The following CNTN5 variants were observed in gnomAD, a reference collection of about 807,000 sequenced individuals.
CNTN5 encodes contactin-5.
In CNTN5, 77 loss-of-function variants were observed where a neutral mutation model predicts 129.1. The ratio of observed to expected loss-of-function variants is 0.60; its 90% CI spans 0.50 to 0.72. The LOEUF (loss-of-function observed/expected upper bound fraction) is 0.72. Among genes scored for constraint, CNTN5 ranks in the 30% least tolerant of loss-of-function variants. The pLI is 0.00. For synonymous variants in CNTN5, 509 were observed against 465.6 expected (o/e 1.09, Z -1.20); for missense variants, 1,478 against 1,328.8 (o/e 1.11, Z -1.75).
intron 10 of CNTN5, among the ~76,000 whole-genome samples, chr11:100,062,635 T>G (rs1343549956): frequency 6.6e-6 from 1 of 152,178 alleles, no homozygotes; most frequent in Admixed American, 6.5e-5. Context: ...CAGAGTCTAC[T>G]GCATTCTACT....
At chr11:99,734,046 G>C (rs1943620890) in intron 3 of CNTN5, among the ~76,000 whole-genome samples, 1 of 152,128 alleles carries the variant, frequency 6.6e-6, no homozygotes, top group East Asian at 1.9e-4. Context: ...TGTGGTGTTT[G>C]GAGTCTTCCA....
intron 1 of CNTN5, among the ~76,000 whole-genome samples, chr11:99,057,892 A>G (rs1161986254): frequency 6.6e-6 from 1 of 151,660 alleles, no homozygotes; most frequent in East Asian, 1.9e-4. Flanking sequence ...TTGAAATTTT[A>G]TCTAGAGTTG....
At chr11:99,300,880 C>T (rs1474404767) in intron 1 of CNTN5, among the ~76,000 whole-genome samples, 1 of 151,692 alleles carries the variant, frequency 6.6e-6, no homozygotes, top group Non-Finnish European at 1.5e-5. Flanking sequence ...CCTGTCTATT[C>T]AAAAAGACAA....
chr11:99,765,108 A>G (rs911820355), intron 3 of CNTN5, among the ~76,000 whole-genome samples: 1 of 152,126 alleles, frequency 6.6e-6, no homozygotes, highest in South Asian at 2.1e-4. Context: ...GTGAATAAAT[A>G]GAATATAAAA....
At chr11:99,146,748 G>T (rs1859803478) in intron 1 of CNTN5, among the ~76,000 whole-genome samples, 2 of 151,922 alleles carry the variant, frequency 1.3e-5, no homozygotes, top group African/African-American at 2.4e-5. Flanking sequence ...TTAAGCTGGG[G>T]TCTCATTCTG....
intron 13 of CNTN5, among the ~76,000 whole-genome samples, chr11:100,135,467 G>A (rs868793731): frequency 8.6e-5 from 13 of 152,002 alleles, no homozygotes; most frequent in South Asian, 4.1e-4. Context: ...GAGCCACTGC[G>A]CCCGGCCAGA....
intron 9 of CNTN5, among the ~76,000 whole-genome samples, chr11:100,018,158 T>C (rs1447651726): frequency 6.6e-6 from 1 of 152,010 alleles, no homozygotes; most frequent in African/African-American, 2.4e-5. Context: ...TGCCATATAA[T>C]TGGAACACAA....
Position 99,063,052 on chromosome 11 carries a change from A to G in CNTN5, c.-210+41782A>G, listed in dbSNP as rs140498530. On this transcript the variant is annotated intron_variant, in intron 1 of 24. Transcript: ENST00000524871. ...CAAGGGAAGTAGAAGCTAATAGTCT[A>G]GTTATCCAAGTAAAGGTATTATTGA... Among the ~76,000 whole-genome samples the G allele has an allele frequency of 2.3e-3, 353 of 152,288 alleles. 1 individual carries two copies. The highest frequency in any genetic ancestry group is 7.8e-3 in the African/African-American group (323 of 41,576).
At chr11:99,471,635 T>C (rs551146485) in intron 2 of CNTN5, among the ~76,000 whole-genome samples, 2 of 142,934 alleles carry the variant, frequency 1.4e-5, no homozygotes, top group East Asian at 3.9e-4. Flanking sequence ...TTACTTCATG[T>C]GTTTTTTTTT....
chr11:99,745,016 T>C (rs12807115), intron 3 of CNTN5, among the ~76,000 whole-genome samples: 42,971 of 152,128 alleles, frequency 0.28, 6,607 homozygotes, highest in Middle Eastern at 0.34. Context: ...TGATTGATTG[T>C]CATCATTGAT....
chr11:99,924,533 G>T (rs1950016674), intron 7 of CNTN5, among the ~76,000 whole-genome samples: 1 of 146,816 alleles, frequency 6.8e-6, no homozygotes, highest in Non-Finnish European at 1.5e-5. Context: ...CATTTTTTTT[G>T]AAGATCAATT....
chr11:100,012,092 T>C (rs1940566110), intron 9 of CNTN5, among the ~76,000 whole-genome samples: 1 of 152,130 alleles, frequency 6.6e-6, no homozygotes, highest in African/African-American at 2.4e-5. Flanking sequence ...TGACAGAAGA[T>C]CTGGGGATAG....
At chr11:99,914,244 A>G (rs79978986) in intron 6 of CNTN5, among the ~76,000 whole-genome samples, 3,066 of 152,170 alleles carry the variant, frequency 0.02, 47 homozygotes, top group Non-Finnish European at 0.032. Flanking sequence ...CAAAATATAC[A>G]TTAAAGTCCT....
At chr11:99,122,812 C>G (rs1373049889) in intron 1 of CNTN5, among the ~76,000 whole-genome samples, 1 of 152,148 alleles carries the variant, frequency 6.6e-6, no homozygotes, top group East Asian at 1.9e-4. Flanking sequence ...TTTTCTGTTC[C>G]TGTGTTGGTT....
rs919333821 is a variant in CNTN5, at chr11:99,077,633, T to A, written c.-210+56363T>A. Among the ~76,000 whole-genome samples, 4 of 152,282 alleles carry A rather than the reference T, an allele frequency of 2.6e-5. No individual in the cohort carries two copies. In the East Asian group the frequency reaches 7.7e-4, roughly 29 times the overall value. On this transcript the variant is annotated intron_variant, in intron 1 of 24. Transcript: ENST00000524871. ...GTTAGGCTTTGTGTCCCCATCCGAATCTCATCTTGAATTGTAATCCCCACA... is the reference window on the plus strand; with the variant it reads ...GTTAGGCTTTGTGTCCCCATCCGAAACTCATCTTGAATTGTAATCCCCACA...
At chr11:99,202,601 T>C (rs56296519) in intron 1 of CNTN5, among the ~76,000 whole-genome samples, 31,769 of 152,026 alleles carry the variant, frequency 0.21, 3,409 homozygotes, top group Middle Eastern at 0.26. Flanking sequence ...ATTAATTTTT[T>C]TAATTGTTTA....
At chr11:99,830,460 T>G (rs565168475) in intron 4 of CNTN5, among the ~76,000 whole-genome samples, 1 of 152,252 alleles carries the variant, frequency 6.6e-6, no homozygotes, top group African/African-American at 2.4e-5. Flanking sequence ...GGCAATGGCA[T>G]CCTGACTCAA....
rs1591414754 is a variant in CNTN5 at position 99,916,200 on chromosome 11, T to G, written c.673+51T>G. 6.3e-6 allele frequency: 9 copies of G among 1,426,024 alleles called. No individual in the cohort carries two copies. In the East Asian group the frequency reaches 1.4e-4, roughly 22 times the overall value. 88.3% of individuals were successfully genotyped at this position (1,426,024 alleles called of 1,614,324 possible). On this transcript the variant is annotated intron_variant, in intron 7 of 24. Coordinates refer to ENST00000524871, the MANE Select transcript of CNTN5 (RefSeq NM_014361.4). ...GCTGCTGCTGCTCTCTTTTGCTATG[T>G]GTTCATTCTTTTAGACAGTATATTG...
chr11:99,984,265 A>T (rs2137375919), intron 8 of CNTN5, among the ~76,000 whole-genome samples: 1 of 151,900 alleles, frequency 6.6e-6, no homozygotes, highest in African/African-American at 2.4e-5. Flanking sequence ...TGTCAGCTAG[A>T]CTCCATCACA....
Sources: gnomAD v4.1 joint callset for allele counts (sites outside exome capture counted in the v4.1 genomes callset) on GRCh38, gnomAD v4.1.1 for gene constraint, MANE v1.5 for transcripts, NCBI Gene and HGNC (gene_info 2026-07-23, HGNC 2026-07-21) for gene names.